CDC27: variants seen among roughly 807,000 people sequenced by gnomAD.
CDC27 encodes cell division cycle protein 27 homolog.
CDC27 carries 27 observed loss-of-function variants against 109.7 expected under a neutral mutation model. That is an observed-to-expected ratio of 0.25 (90% CI 0.18 to 0.34). The LOEUF is 0.34. Among genes scored for constraint, CDC27 ranks in the 10% least tolerant of loss-of-function variants. The probability of loss-of-function intolerance (pLI) is 1.00; values close to 1 mark genes in which losing one functional copy is unlikely to be tolerated. For synonymous variants in CDC27, 266 were observed against 333.9 expected (o/e 0.80, Z 2.22); for missense variants, 579 against 960.2 (o/e 0.60, Z 5.25).
chr17:47,169,575 G>A (rs1366773717), intron 4 of CDC27, among the ~76,000 whole-genome samples: 1 of 151,284 alleles, frequency 6.6e-6, no homozygotes, highest in African/African-American at 2.4e-5. Context: ...AACCCTGGAG[G>A]TGGAGGTTGC....
At chr17:47,186,287 A>G (rs2064431909) in intron 1 of CDC27, among the ~76,000 whole-genome samples, 1 of 152,200 alleles carries the variant, frequency 6.6e-6, no homozygotes, top group African/African-American at 2.4e-5. Context: ...CTTTGAATCC[A>G]TGTTAGATGC....
chr17:47,122,704 C>T (rs2062015143), intron 17 of CDC27, 104 bp from the exon 18 acceptor site: 1 of 823,216 alleles, frequency 1.2e-6, no homozygotes, highest in Non-Finnish European at 1.7e-6. Flanking sequence ...GATGGAGTCT[C>T]ACTCTATTAC....
intron 16 of CDC27, among the ~76,000 whole-genome samples, chr17:47,124,655 G>T (rs529802730): frequency 1.3e-5 from 2 of 152,252 alleles, no homozygotes; most frequent in African/African-American, 4.8e-5. Flanking sequence ...GAGAAGAGTG[G>T]CATTAACATT....
At chr17:47,133,054 CAT>C (rs1555783930) in intron 14 of CDC27, among the ~76,000 whole-genome samples, 50 of 55,078 alleles carry the variant, frequency 9.1e-4, no homozygotes, top group East Asian at 2.0e-3. Flanking sequence ...CACACACACA[CAT>C]ACATATACAC....
intron 2 of CDC27, among the ~76,000 whole-genome samples, chr17:47,175,849 TTAAGTTTTTTAATCAACTA>T (rs1284717933): frequency 1.3e-5 from 2 of 152,140 alleles, no homozygotes; most frequent in Non-Finnish European, 2.9e-5. Flanking sequence ...CGATTATCTG[TTAAGTTTTTTAATCAACTA>T]TAAGTAGTAT....
intron 14 of CDC27, among the ~76,000 whole-genome samples, chr17:47,133,495 A>C (rs2062460857): frequency 6.7e-6 from 1 of 148,840 alleles, no homozygotes; most frequent in Non-Finnish European, 1.5e-5. Context: ...GCTGTAGTGC[A>C]ATGGCATGAT....
At chr17:47,159,143 TG>T (rs2063412104) in intron 4 of CDC27, 1 of 340,530 alleles carries the variant, frequency 2.9e-6, no homozygotes, top group Non-Finnish European at 5.3e-6. Context: ...TATTTGTTGT[TG>T]TTTTTTTTCC....
intron 14 of CDC27, among the ~76,000 whole-genome samples, chr17:47,136,515 A>G (rs2062598657): frequency 6.6e-6 from 1 of 152,186 alleles, no homozygotes; most frequent in Non-Finnish European, 1.5e-5. Flanking sequence ...CAGTCCAGAA[A>G]AATACAATAA....
At chr17:47,125,915 T>C (rs11570564) in intron 16 of CDC27, among the ~76,000 whole-genome samples, 3,306 of 152,300 alleles carry the variant, frequency 0.022, 79 homozygotes, top group South Asian at 0.068. Flanking sequence ...CAATTCAGAA[T>C]TGATATGTTT....
intron 9 of CDC27, among the ~76,000 whole-genome samples, chr17:47,144,994 A>AACCT (rs202161114): frequency 0.023 from 3,484 of 152,238 alleles, 48 homozygotes; most frequent in Middle Eastern, 0.075. Flanking sequence ...AATGACACAC[A>AACCT]ACCTTTCTTG....
At chr17:47,136,170 A>C (rs980296604) in intron 14 of CDC27, among the ~76,000 whole-genome samples, 4 of 152,026 alleles carry the variant, frequency 2.6e-5, no homozygotes, top group African/African-American at 9.7e-5. Flanking sequence ...CAAAAAAAAA[A>C]CTGAGTTCTT....
intron 2 of CDC27, among the ~76,000 whole-genome samples, chr17:47,175,059 AAG>A (rs2063951116): frequency 1.9e-5 from 2 of 107,010 alleles, no homozygotes; most frequent in Admixed American, 1.7e-4. Flanking sequence ...GGAAGGAAGG[AAG>A]GAAGGAAGGA....
intron 14 of CDC27, among the ~76,000 whole-genome samples, chr17:47,135,827 A>C (rs2062567604): frequency 6.6e-6 from 1 of 152,142 alleles, no homozygotes; most frequent in South Asian, 2.1e-4. Context: ...AAAAAATCAA[A>C]AACAACACAA....
Position 47,142,456 on chromosome 17 carries a change from T to C in CDC27, c.1171-20A>G. On this transcript the variant is annotated intron_variant, in intron 10 of 18. Transcript: ENST00000066544. ...ATTCTCCTGTAAAAGGGAAGAAATT[T>C]CACACCTGTTATACTCATGTATTTT... is the stretch of plus-strand genomic sequence containing the variant. The C allele has an allele frequency of 9.5e-7, 1 of 1,048,186 alleles. No homozygotes were observed. Among genetic ancestry groups the C allele is most frequent in the Non-Finnish European group, 1.4e-6 (1 of 698,058 alleles). 64.9% of individuals were successfully genotyped at this position (1,048,186 alleles called of 1,614,324 possible).
chr17:47,189,220 A>G lies in CDC27; in HGVS notation c.-48T>C, dbSNP rs1416954543. The G allele has an allele frequency of 9.2e-6, 14 of 1,520,020 alleles. No homozygotes were observed. The highest frequency in any genetic ancestry group is 1.4e-5 in the African/African-American group (1 of 73,108). The allele number at this position is 1,520,020 out of a possible 1,614,324, so 94.2% of individuals were successfully genotyped here. ...CTGCAGTGCCTCAGGCCCCCCCTGT[A>G]GCGGCTCCGGCCCGGCCAGCCCCTG... On this transcript the variant is annotated 5_prime_UTR_variant, in exon 1 of 19. Coordinates refer to ENST00000066544, the MANE Select transcript of CDC27 (RefSeq NM_001256.6).
At chr17:47,121,700 T>C (rs1013602806) in intron 18 of CDC27, among the ~76,000 whole-genome samples, 4 of 151,682 alleles carry the variant, frequency 2.6e-5, no homozygotes, top group Non-Finnish European at 5.9e-5. Flanking sequence ...CCTGAGTAGC[T>C]GCGATTACAT....
intron 9 of CDC27, among the ~76,000 whole-genome samples, chr17:47,149,942 G>A (rs948829557): frequency 5.3e-5 from 8 of 151,860 alleles, no homozygotes; most frequent in South Asian, 4.2e-4. Context: ...GTAACAGAGC[G>A]AAACTCCGTC....
At chr17:47,121,460 A>G (rs1287670020) in intron 18 of CDC27, among the ~76,000 whole-genome samples, 1 of 152,116 alleles carries the variant, frequency 6.6e-6, no homozygotes, top group Non-Finnish European at 1.5e-5. Flanking sequence ...TCAATCAATC[A>G]TCTATCTTGC....
chr17:47,136,039 G>C (rs1248133919), intron 14 of CDC27, among the ~76,000 whole-genome samples: 7 of 152,156 alleles, frequency 4.6e-5, no homozygotes, highest in Non-Finnish European at 8.8e-5. Context: ...CTACTCGGGA[G>C]GCTGAGGCAG....
Sources: allele counts gnomAD v4.1 joint callset (sites outside exome capture counted in the v4.1 genomes callset), GRCh38; gene constraint gnomAD v4.1.1; transcripts MANE v1.5; gene names NCBI Gene and HGNC (gene_info 2026-07-23, HGNC 2026-07-21).